The following UVSSA variants were observed in gnomAD, a reference collection of about 807,000 sequenced individuals.
The protein encoded by UVSSA is UV-stimulated scaffold protein A.
In UVSSA, 72 loss-of-function variants were observed where a neutral mutation model predicts 73.9. The observed-to-expected ratio is 0.97, with a 90% confidence interval of 0.81 to 1.19. The LOEUF (loss-of-function observed/expected upper bound fraction) is 1.19, where lower values mean the gene tolerates loss of function less well. Ranked by LOEUF, UVSSA falls within the 50% of genes most tolerant of loss-of-function variation. The pLI is 0.00. For missense variants in UVSSA, 1,150 were observed against 965.0 expected, an observed-to-expected ratio of 1.19 and a Z score of -2.54; for synonymous variants, 454 against 391.3, an observed-to-expected ratio of 1.16 and a Z score of -1.89.
chr4:1,387,562 A>G lies in UVSSA; in HGVS notation c.*1601A>G, dbSNP rs557771007. ...TCACAGAGATTTACACCTAGTTTCT[A>G]ATAAGCATTTTATAATTTCAGCTCT... On this transcript the variant is annotated 3_prime_UTR_variant, in exon 14 of 14. Transcript: ENST00000389851. The G allele has an allele frequency of 2.1e-4, 32 of 152,330 alleles. No individual in the cohort carries two copies. Among genetic ancestry groups the G allele is most frequent in the Middle Eastern group, 3.4e-3 (1 of 294 alleles). The allele number at this position is 152,330 out of a possible 1,614,324, so 9.4% of individuals were successfully genotyped here.
At chr4:1,362,305 T>G (rs1483372117) in intron 7 of UVSSA, among the ~76,000 whole-genome samples, 1 of 152,180 alleles carries the variant, frequency 6.6e-6, no homozygotes, top group Non-Finnish European at 1.5e-5. Flanking sequence ...TCGAGGGGTC[T>G]ATAGCTCCTG....
intron 5 of UVSSA, among the ~76,000 whole-genome samples, chr4:1,353,814 G>A (rs1577295486): frequency 6.6e-6 from 1 of 152,296 alleles, no homozygotes; most frequent in Middle Eastern, 3.4e-3. Context: ...GGCCTGTCAG[G>A]GTCCCGTGTC....
intron 7 of UVSSA, among the ~76,000 whole-genome samples, chr4:1,355,637 C>T (rs1184775883): frequency 3.3e-5 from 5 of 152,286 alleles, no homozygotes; most frequent in Admixed American, 6.5e-5. Context: ...AACCCTCAGA[C>T]GGCCAGGAGG....
rs770626302 is a variant in UVSSA, at chr4:1,355,259, C to T, written c.1176+14C>T. ...GAAAGGCGCAGGGTGAGTGGGCAGG[C>T]GGCGAGCGGGAAGGGGTCCCAGAGG... is the stretch of plus-strand genomic sequence containing the variant. On this transcript the variant is annotated intron_variant, in intron 7 of 13. Transcript: ENST00000389851. 12 of 1,592,682 alleles carry T rather than the reference C, an allele frequency of 7.5e-6. No individual in the cohort carries two copies. The highest frequency in any genetic ancestry group is 5.4e-5 in the African/African-American group (4 of 74,270).
chr4:1,377,058 A>G (rs779454692), intron 10 of UVSSA, among the ~76,000 whole-genome samples: 14 of 152,176 alleles, frequency 9.2e-5, no homozygotes, highest in Non-Finnish European at 1.5e-4. Context: ...ACTAAAGCCA[A>G]TGCTGCGGGG....
chr4:1,363,096 G>A (rs1315151156), intron 7 of UVSSA, among the ~76,000 whole-genome samples: 1 of 127,602 alleles, frequency 7.8e-6, no homozygotes, highest in Non-Finnish European at 1.7e-5. Context: ...CCTCAATGCT[G>A]AGTTGCTGTG....
In UVSSA at chr4:1,385,922, C is replaced by G. The variant is rs529975173; in HGVS notation, c.2091C>G (p.His697Gln). 3 of 1,614,056 alleles carry G rather than the reference C, an allele frequency of 1.9e-6. No individual in the cohort carries two copies. The highest frequency in any genetic ancestry group is 2.2e-5 in the East Asian group (1 of 44,884). ...TGAACCGGATGGACCAGAAGAAGCA[C>G]GAGAAGTTTTCAAACCAGTTTAACT... ...AAMNRMDQKK[H>Q]EKFSNQFNYA... Residue 697 changes from histidine (H) to glutamine (Q), a missense_variant, in exon 14 of 14, where the codon CAC (histidine) becomes CAG (glutamine). By Grantham distance (24) the His-to-Gln change is conservative (BLOSUM62 0). Transcript: ENST00000389851.
rs146124669 is a variant in UVSSA, at chr4:1,376,154, C to T, written c.1554C>T (p.Ala518=). 4.6e-5 allele frequency: 74 copies of T among 1,609,846 alleles called. No individual in the cohort carries two copies. The highest frequency in any genetic ancestry group is 6.7e-5 in the Admixed American group (4 of 59,770). The change falls in exon 10 of 14, where the codon GCC becomes GCT. Residue 518 remains alanine (A), a synonymous_variant. Transcript: ENST00000389851. ...ACTGGGGCCAGGAGCTCCCCACAGC[C>T]GGGAAGATTGTCAAGTGAGTCCCCA... ...LHYWGQELPT[A]GKIVKSDSQH...
chr4:1,353,366 A>T lies in UVSSA; in HGVS notation c.887A>T (p.His296Leu), dbSNP rs756047051. The T allele has an allele frequency of 1.3e-5, 21 of 1,606,060 alleles. No individual in the cohort carries two copies. Among genetic ancestry groups the T allele is most frequent in the Admixed American group, 1.7e-5 (1 of 58,980 alleles). The part of the protein sequence containing the change: ...DSDLEEFVRS[H>L]GLGSHKYTLD... Reference sequence around the variant, plus strand: ...GACCTCGAGGAGTTTGTGCGGAGCCACGGGCTGGGCTCGCACAAGTACACG... The same window carrying T: ...GACCTCGAGGAGTTTGTGCGGAGCCTCGGGCTGGGCTCGCACAAGTACACG... The change falls in exon 5 of 14, where the codon CAC becomes CTC. Residue 296 changes from histidine (H) to leucine (L), a missense_variant. His to Leu is a moderately conservative substitution (Grantham distance 99). Transcript: ENST00000389851.
In UVSSA at chr4:1,354,415, C is replaced by T. The variant is rs185338336; in HGVS notation, c.935-320C>T. On this transcript the variant is annotated intron_variant, in intron 5 of 13. Transcript: ENST00000389851. ...GCTGTGGAGGGGAAGGTTCTGTGCCCGGCGTGTGGGGGCGGTGAGTAGAAG... is the reference window on the plus strand; with the variant it reads ...GCTGTGGAGGGGAAGGTTCTGTGCCTGGCGTGTGGGGGCGGTGAGTAGAAG... 435 of 365,044 alleles carry T rather than the reference C, an allele frequency of 1.2e-3. 1 individual carries two copies. Among genetic ancestry groups the T allele is most frequent in the African/African-American group, 8.5e-3 (408 of 48,128 alleles). 22.6% of individuals were successfully genotyped at this position (365,044 alleles called of 1,614,324 possible).
chr4:1,346,486 G>A (rs902545313), upstream of UVSSA, among the ~76,000 whole-genome samples: 9 of 152,214 alleles, frequency 5.9e-5, no homozygotes, highest in African/African-American at 2.2e-4. Context: ...GGACTTCGGC[G>A]GCAGGACGGA....
chr4:1,372,099 CTT>C (rs1244205596), intron 8 of UVSSA, among the ~76,000 whole-genome samples: 1 of 152,220 alleles, frequency 6.6e-6, no homozygotes, highest in African/African-American at 2.4e-5. Flanking sequence ...TAAAATCCAG[CTT>C]TTCTAGTACC....
In UVSSA at chr4:1,354,722, T is replaced by TCA. The variant is rs1483568028; in HGVS notation, c.935-13_935-12insCA. ...TCGGCGCCCTCTTGTGACCTCTGTG[T>TCA]GCTTCTCCCCAGAGGGCCTGAAGGT... On this transcript the variant is annotated splice_polypyrimidine_tract_variant and intron_variant, in intron 5 of 13. Coordinates refer to ENST00000389851, the MANE Select transcript of UVSSA (RefSeq NM_020894.4). The TCA allele has an allele frequency of 6.2e-7, 1 of 1,610,212 alleles. No individual in the cohort carries two copies. The highest frequency in any genetic ancestry group is 1.3e-5 in the African/African-American group (1 of 74,898).
In UVSSA at chr4:1,375,477, C is replaced by G. The variant is rs201031469; in HGVS notation, c.1402C>G (p.Arg468Gly). The change falls in exon 9 of 14, where the codon CGG (arginine) becomes GGG (glycine). Residue 468 changes from arginine to glycine, a missense_variant. Physicochemically the swap from Arg to Gly is moderately radical, Grantham distance 125. Transcript: ENST00000389851. ...TGCGGCTGCTCAGCTGCGGCAGCTCCGGGACCACTTGCCTCCACCCTCATC... is the reference window on the plus strand; with the variant it reads ...TGCGGCTGCTCAGCTGCGGCAGCTCGGGGACCACTTGCCTCCACCCTCATC... The part of the protein sequence containing the change: ...TSAAAQLRQL[R>G]DHLPPPSSAS... 4 of 1,611,972 alleles carry G rather than the reference C, an allele frequency of 2.5e-6. No individual in the cohort carries two copies.
chr4:1,388,484 C>T (rs1173660302), downstream of UVSSA: 1 of 152,204 alleles, frequency 6.6e-6, no homozygotes, highest in Non-Finnish European at 1.5e-5. Flanking sequence ...CTGGCTAGTA[C>T]CTCCAGGACA....
Position 1,351,773 on chromosome 4 carries a change from A to T in UVSSA, c.488A>T (p.Lys163Met). 6.2e-7 allele frequency: 1 copy of T among 1,613,772 alleles called. No individual in the cohort carries two copies. The highest frequency in any genetic ancestry group is 8.5e-7 in the Non-Finnish European group (1 of 1,179,906). The change falls in exon 4 of 14, where the codon AAG becomes ATG. Residue 163 changes from lysine (K) to methionine (M), a missense_variant. By Grantham distance (95) the Lys-to-Met change is moderately conservative (BLOSUM62 -1). Coordinates refer to ENST00000389851, the MANE Select transcript of UVSSA (RefSeq NM_020894.4). ...GCAGAAAGGAAGAGAGAAGAGGAGA[A>T]GCAGAAGCACTTGGATAAAATTTAT... is the stretch of plus-strand genomic sequence containing the variant. ...SLAERKREEE[K>M]QKHLDKIYQE...
At chr4:1,366,665 C>T (rs1462037995) in intron 8 of UVSSA, among the ~76,000 whole-genome samples, 1 of 152,210 alleles carries the variant, frequency 6.6e-6, no homozygotes, top group Non-Finnish European at 1.5e-5. Context: ...GCCTGGGGCC[C>T]TCCCTGCAGC....
At chr4:1,347,960 C>G (rs1019982080) in intron 1 of UVSSA, 130 bp from the exon 2 acceptor site, 2 of 730,248 alleles carry the variant, frequency 2.7e-6, no homozygotes, top group Non-Finnish European at 4.7e-6. Flanking sequence ...GAGGCACCCA[C>G]AGATGGACCC....
chr4:1,352,708 T>C (rs754754937), intron 4 of UVSSA, among the ~76,000 whole-genome samples: 3 of 152,208 alleles, frequency 2.0e-5, no homozygotes, highest in Non-Finnish European at 4.4e-5. Context: ...TCCCGGCACT[T>C]TGGGAGGCCA....
Sources: gnomAD v4.1 joint callset for allele counts (sites outside exome capture counted in the v4.1 genomes callset) on GRCh38, gnomAD v4.1.1 for gene constraint, MANE v1.5 for transcripts, NCBI Gene and HGNC (gene_info 2026-07-23, HGNC 2026-07-21) for gene names.